Variants in MAP4K5 observed in about 807,000 individuals in gnomAD.
The protein encoded by MAP4K5 is mitogen-activated protein kinase kinase kinase kinase 5.
A neutral mutation model predicts 135.6 loss-of-function variants in MAP4K5; 82 were observed. The observed-to-expected ratio is 0.60, with a 90% CI of 0.51 to 0.73. MAP4K5 has a LOEUF of 0.73. Ranked by LOEUF, MAP4K5 falls within the 30% of genes least tolerant of loss-of-function variation. The pLI, the probability that MAP4K5 is intolerant of heterozygous loss-of-function variation, is 0.00. For missense variants in MAP4K5, 907 were observed against 1,010.9 expected (o/e 0.90, Z 1.39); for synonymous variants, 347 against 335.0 (o/e 1.04, Z -0.39).
chr14:50,472,058 G>A (rs2036977057), intron 9 of MAP4K5: 1 of 151,474 alleles, frequency 6.6e-6, no homozygotes, highest in East Asian at 2.0e-4. Context: ...TCATACTGGT[G>A]ATAAACTTTA....
chr14:50,447,611 A>G (rs780666180), intron 15 of MAP4K5, 130 bp from the exon 16 acceptor site: 2 of 608,394 alleles, frequency 3.3e-6, no homozygotes, highest in African/African-American at 1.9e-5. Flanking sequence ...TTTAATCTCT[A>G]GCTAGATTTG....
intron 1 of MAP4K5, among the ~76,000 whole-genome samples, chr14:50,556,882 A>G (rs2038771309): frequency 6.6e-6 from 1 of 152,170 alleles, no homozygotes; most frequent in South Asian, 2.1e-4. Context: ...CATTTTGTTT[A>G]TCCATTCACT....
At chr14:50,475,213 C>T (rs1043028454) in intron 8 of MAP4K5, 64 bp from the exon 9 acceptor site, 21 of 1,213,596 alleles carry the variant, frequency 1.7e-5, no homozygotes, top group South Asian at 2.5e-5. Flanking sequence ...TTTTTACTTT[C>T]GCCCTTAGGC....
rs562255555 is a variant in MAP4K5 at position 50,489,175 on chromosome 14, A to G, written c.167-2981T>C. Among the ~76,000 whole-genome samples the G allele has an allele frequency of 5.8e-3, 885 of 152,234 alleles. 6 individuals carry two copies. The highest frequency in any genetic ancestry group is 8.9e-3 in the Non-Finnish European group (602 of 67,992). ...TTGCTCACCAGCCTGGGCAACATAG[A>G]GAGATCTCGTCTTTCCAAAATAATA... On this transcript the variant is annotated intron_variant, in intron 3 of 32. Transcript: ENST00000682126.
chr14:50,429,308 G>T, intron 28 of MAP4K5, 48 bp from the exon 29 acceptor site: 1 of 1,125,710 alleles, frequency 8.9e-7, no homozygotes, highest in Non-Finnish European at 1.3e-6. Context: ...AAAACCTAGA[G>T]CCTAGAAAAT....
Position 50,437,466 on chromosome 14 carries a change from A to G in MAP4K5, c.1882+10T>C, listed in dbSNP as rs886526625. 1 of 1,586,226 alleles carries G rather than the reference A, an allele frequency of 6.3e-7. No individual in the cohort carries two copies. Among genetic ancestry groups the G allele is most frequent in the Non-Finnish European group, 8.6e-7 (1 of 1,163,254 alleles). ...CTAACCATTCAGTTTGAGAAATACCATTTACTCACCTATGCAACATTTGTG... is the reference window on the plus strand; with the variant it reads ...CTAACCATTCAGTTTGAGAAATACCGTTTACTCACCTATGCAACATTTGTG... On this transcript the variant is annotated intron_variant, in intron 26 of 32. Coordinates refer to ENST00000682126, the MANE Select transcript of MAP4K5 (RefSeq NM_006575.6).
intron 26 of MAP4K5, 111 bp from the exon 27 acceptor site, chr14:50,435,176 T>A: frequency 3.9e-6 from 2 of 515,462 alleles, no homozygotes; most frequent in Non-Finnish European, 6.8e-6. Flanking sequence ...AAAAAGACTG[T>A]GTCTTTTCTT....
At chr14:50,440,298 A>C in intron 22 of MAP4K5, 64 bp downstream of exon 22, 2 of 1,110,770 alleles carry the variant, frequency 1.8e-6, no homozygotes, top group Non-Finnish European at 2.6e-6. Flanking sequence ...GATTGATTTA[A>C]AATTAAGACA....
chr14:50,522,199 T>G (rs1308052593), intron 2 of MAP4K5, among the ~76,000 whole-genome samples: 1 of 152,028 alleles, frequency 6.6e-6, no homozygotes, highest in Non-Finnish European at 1.5e-5. Context: ...AACAAAGAAC[T>G]AGAATACTAG....
intron 2 of MAP4K5, among the ~76,000 whole-genome samples, chr14:50,538,408 C>A (rs1360002780): frequency 6.6e-6 from 1 of 152,132 alleles, no homozygotes; most frequent in Non-Finnish European, 1.5e-5. Context: ...TTTCTGTTAA[C>A]CTTTATCGTC....
chr14:50,559,538 T>A (rs1416816970), intron 1 of MAP4K5: 1 of 152,276 alleles, frequency 6.6e-6, no homozygotes, highest in Admixed American at 6.5e-5. Flanking sequence ...TATTGGACTA[T>A]AGGTCTGGAC....
At chr14:50,452,051 A>T (rs1439266769) in intron 14 of MAP4K5, among the ~76,000 whole-genome samples, 2 of 152,212 alleles carry the variant, frequency 1.3e-5, no homozygotes, top group Non-Finnish European at 2.9e-5. Context: ...GATGCTGGAC[A>T]GCGACAGCAA....
At chr14:50,442,042 G>A (rs1229719191) in intron 21 of MAP4K5, among the ~76,000 whole-genome samples, 1 of 152,040 alleles carries the variant, frequency 6.6e-6, no homozygotes, top group Non-Finnish European at 1.5e-5. Flanking sequence ...TGTTTTCAAA[G>A]TCACATGGTA....
chr14:50,535,550 T>C (rs185838169), upstream of MAP4K5, among the ~76,000 whole-genome samples: 13 of 152,388 alleles, frequency 8.5e-5, no homozygotes, highest in East Asian at 1.9e-3. Flanking sequence ...GCCACAATTA[T>C]GATTTGGATT....
At chr14:50,513,114 G>A (rs950041878) in intron 2 of MAP4K5, among the ~76,000 whole-genome samples, 2 of 151,986 alleles carry the variant, frequency 1.3e-5, no homozygotes, top group East Asian at 1.9e-4. Flanking sequence ...ATTATTATGT[G>A]GAAAAGATAA....
intron 13 of MAP4K5, among the ~76,000 whole-genome samples, chr14:50,462,290 T>C (rs946512276): frequency 6.6e-6 from 1 of 152,178 alleles, no homozygotes; most frequent in Non-Finnish European, 1.5e-5. Flanking sequence ...CTACAGAAGC[T>C]GAGGTCTAGA....
rs567820458 is a variant in MAP4K5 at position 50,461,612 on chromosome 14, T to C, written c.936+1053A>G. Among the ~76,000 whole-genome samples, 10 of 152,192 alleles carry C rather than the reference T, an allele frequency of 6.6e-5. No homozygotes were observed. In the East Asian group the frequency reaches 1.9e-3, roughly 29 times the overall value. Reference sequence around the variant, plus strand: ...CTCTCATTCCTGATTTCCTGACAAATTGTGTTGTTATAGAAAATACATTAC... The same window carrying C: ...CTCTCATTCCTGATTTCCTGACAAACTGTGTTGTTATAGAAAATACATTAC... On this transcript the variant is annotated intron_variant, in intron 13 of 32. Coordinates refer to ENST00000682126, the MANE Select transcript of MAP4K5 (RefSeq NM_006575.6).
chr14:50,473,284 T>A (rs966372597), intron 9 of MAP4K5, among the ~76,000 whole-genome samples: 13 of 152,294 alleles, frequency 8.5e-5, no homozygotes, highest in Non-Finnish European at 1.9e-4. Flanking sequence ...CCCTCACCTA[T>A]TAGATATATT....
At chr14:50,436,153 T>C (rs2144973) in intron 26 of MAP4K5, among the ~76,000 whole-genome samples, 128,166 of 152,190 alleles carry the variant, frequency 0.84, 55,466 homozygotes, top group East Asian at 0.93. Flanking sequence ...TCTGAAGTCA[T>C]TGAACCTGAA....
Sources: allele counts gnomAD v4.1 joint callset (sites outside exome capture counted in the v4.1 genomes callset), GRCh38; gene constraint gnomAD v4.1.1; transcripts MANE v1.5; gene names NCBI Gene and HGNC (gene_info 2026-07-23, HGNC 2026-07-21).